The following STARD13 variants were observed in gnomAD, a reference collection of about 807,000 sequenced individuals.
STARD13 encodes stAR-related lipid transfer protein 13.
Under a neutral mutation model 106.4 loss-of-function variants are expected in STARD13, and 62 were observed. The ratio of observed to expected loss-of-function variants is 0.58; its 90% CI spans 0.48 to 0.72. The LOEUF is 0.72. Ranked by LOEUF, STARD13 falls within the 30% of genes least tolerant of loss-of-function variation. STARD13 has a pLI of 0.00. For missense variants in STARD13, 1,387 were observed against 1,424.0 expected, an observed-to-expected ratio of 0.97 and a Z score of 0.42; for synonymous variants, 565 against 553.0, an observed-to-expected ratio of 1.02 and a Z score of -0.31.
At chr13:33,140,158 C>T (rs1271863646) in intron 4 of STARD13, among the ~76,000 whole-genome samples, 1 of 152,234 alleles carries the variant, frequency 6.6e-6, no homozygotes, top group Non-Finnish European at 1.5e-5. Context: ...TCAAGCCCAT[C>T]TCGCCTCTGG....
intron 1 of STARD13, among the ~76,000 whole-genome samples, chr13:33,243,883 C>T (rs1889688091): frequency 6.6e-6 from 1 of 152,070 alleles, no homozygotes; most frequent in South Asian, 2.1e-4. Context: ...GAACCAACGG[C>T]TAAGAGTGAG....
At chr13:33,547,060 A>C in the STARD13 span, among the ~76,000 whole-genome samples, 1 of 152,212 alleles carries the variant, frequency 6.6e-6, no homozygotes, top group East Asian at 1.9e-4. Flanking sequence ...ATAATAGTAC[A>C]TTTATAAGGC....
intron 1 of STARD13, among the ~76,000 whole-genome samples, chr13:33,241,909 G>A (rs377648520): frequency 6.6e-6 from 1 of 152,156 alleles, no homozygotes; most frequent in South Asian, 2.1e-4. Flanking sequence ...CCTCCCAGCC[G>A]CCTGCCTTGG....
At chr13:33,195,563 G>A (rs937101409) in intron 1 of STARD13, among the ~76,000 whole-genome samples, 1 of 152,140 alleles carries the variant, frequency 6.6e-6, no homozygotes, top group Admixed American at 6.6e-5. Context: ...TTTGCCGCAT[G>A]GACAGAAACC....
the STARD13 span, among the ~76,000 whole-genome samples, chr13:33,434,700 G>A: frequency 3.3e-5 from 5 of 152,236 alleles, no homozygotes; most frequent in African/African-American, 4.8e-5. Context: ...AGATCTTCCT[G>A]CTGCATATAC....
chr13:33,500,858 T>G, the STARD13 span, among the ~76,000 whole-genome samples: 1 of 152,122 alleles, frequency 6.6e-6, no homozygotes, highest in East Asian at 1.9e-4. Flanking sequence ...ATGGGGACAT[T>G]GATTCTCTTA....
At chr13:33,555,959 T>C in the STARD13 span, among the ~76,000 whole-genome samples, 1 of 152,334 alleles carries the variant, frequency 6.6e-6, no homozygotes, top group Non-Finnish European at 1.5e-5. Context: ...ATATTTCTTC[T>C]TCAGAAAAAT....
rs552485422 is a variant in STARD13, at chr13:33,254,517, C to T, written c.169+30953G>A. ...TATTGGATACCAGGGGGTGATTCCC[C>T]GACAAAGGCCCTACCATCAAGCCTG... On this transcript the variant is annotated intron_variant, in intron 1 of 13. Coordinates refer to ENST00000336934, the MANE Select transcript of STARD13 (RefSeq NM_178006.4). Among the ~76,000 whole-genome samples, 8 of 152,244 alleles carry T rather than the reference C, an allele frequency of 5.3e-5. No homozygotes were observed. The South Asian group carries it at 1.2e-3, about 24-fold the overall frequency.
At chr13:33,462,964 T>G in the STARD13 span, among the ~76,000 whole-genome samples, 1 of 152,216 alleles carries the variant, frequency 6.6e-6, no homozygotes, top group African/African-American at 2.4e-5. Context: ...TTTTAAATTG[T>G]TGGAAGGTTA....
the STARD13 span, among the ~76,000 whole-genome samples, chr13:33,384,456 A>G: frequency 3.9e-5 from 6 of 152,328 alleles, no homozygotes; most frequent in South Asian, 1.0e-3. Context: ...CTCTGTGTCC[A>G]CTGGCCCGAG....
intron 3 of STARD13, among the ~76,000 whole-genome samples, chr13:33,146,563 C>A (rs1443956937): frequency 6.6e-6 from 1 of 152,092 alleles, no homozygotes; most frequent in East Asian, 1.9e-4. Context: ...AAATTGTATG[C>A]TTTGGTGATT....
At chr13:33,476,321 G>A in the STARD13 span, among the ~76,000 whole-genome samples, 4 of 152,116 alleles carry the variant, frequency 2.6e-5, no homozygotes, top group Non-Finnish European at 4.4e-5. Context: ...AAAACAAAAT[G>A]TTTTCAAGTG....
rs143461335 is a variant in STARD13, at chr13:33,264,850, G to A, written c.169+20620C>T. Among the ~76,000 whole-genome samples the A allele has an allele frequency of 1.2e-4, 18 of 152,274 alleles. No individual in the cohort carries two copies. The East Asian group carries it at 3.5e-3, about 29-fold the overall frequency. ...ACCTGCCAAGCAGAGAGTCTTTGCT[G>A]ACTCAACATAACCTCTGCCCATCTT... On this transcript the variant is annotated intron_variant, in intron 1 of 13. Coordinates refer to ENST00000336934, the MANE Select transcript of STARD13 (RefSeq NM_178006.4).
At chr13:33,283,584 TAAC>T (rs1891912090) in intron 1 of STARD13, among the ~76,000 whole-genome samples, 1 of 152,232 alleles carries the variant, frequency 6.6e-6, no homozygotes, top group South Asian at 2.1e-4. Flanking sequence ...TGTATGATGT[TAAC>T]ACATAATGAT....
chr13:33,287,962 G>T (rs7320548), upstream of STARD13, among the ~76,000 whole-genome samples: 4,069 of 152,138 alleles, frequency 0.027, 171 homozygotes, highest in African/African-American at 0.091. Flanking sequence ...TAGCTTTGGA[G>T]AGCACTTAAA....
chr13:33,260,468 C>A (rs186252310), intron 1 of STARD13, among the ~76,000 whole-genome samples: 1 of 152,288 alleles, frequency 6.6e-6, no homozygotes, highest in Non-Finnish European at 1.5e-5. Context: ...CGGGGGAGGT[C>A]ATCAAATCTG....
At chr13:33,501,811 T>C in the STARD13 span, among the ~76,000 whole-genome samples, 1 of 152,196 alleles carries the variant, frequency 6.6e-6, no homozygotes, top group Non-Finnish European at 1.5e-5. Context: ...TCAGGTAGTG[T>C]GATGCTTCCA....
At chr13:33,592,978 C>T in the STARD13 span, among the ~76,000 whole-genome samples, 1 of 151,830 alleles carries the variant, frequency 6.6e-6, no homozygotes, top group Non-Finnish European at 1.5e-5. Flanking sequence ...GGCTGAAGAC[C>T]ACTTGGATGC....
chr13:33,634,641 T>C, the STARD13 span, among the ~76,000 whole-genome samples: 1 of 152,220 alleles, frequency 6.6e-6, no homozygotes, highest in African/African-American at 2.4e-5. Flanking sequence ...ACTGCTTCTA[T>C]GTTGTACCAG....
Sources: gnomAD v4.1 joint callset for allele counts (sites outside exome capture counted in the v4.1 genomes callset) on GRCh38, gnomAD v4.1.1 for gene constraint, MANE v1.5 for transcripts, NCBI Gene and HGNC (gene_info 2026-07-23, HGNC 2026-07-21) for gene names.